DTNB: variants seen among roughly 807,000 people sequenced by gnomAD.
The protein encoded by DTNB is DTN-B.
In DTNB, 63 loss-of-function variants were observed where a neutral mutation model predicts 90.7. The observed-to-expected ratio is 0.69, with a 90% confidence interval of 0.57 to 0.86. The LOEUF is 0.86. Ranked by LOEUF, DTNB falls within the 40% of genes least tolerant of loss-of-function variation. The pLI is 0.00. For synonymous variants in DTNB, 277 were observed against 286.7 expected, an observed-to-expected ratio of 0.97 and a Z score of 0.34; for missense variants, 744 against 807.1, an observed-to-expected ratio of 0.92 and a Z score of 0.95.
chr2:25,663,270 C>T (rs1429948601), intron 1 of DTNB, among the ~76,000 whole-genome samples: 1 of 152,126 alleles, frequency 6.6e-6, no homozygotes, highest in South Asian at 2.1e-4. Context: ...GCACAGCATT[C>T]GATGGTGTGT....
intron 5 of DTNB, among the ~76,000 whole-genome samples, chr2:25,602,642 A>C (rs1450073570): frequency 6.6e-6 from 1 of 152,232 alleles, no homozygotes; most frequent in African/African-American, 2.4e-5. Context: ...ACCAAAACAG[A>C]AAGAATCTCA....
chr2:25,379,912 T>C (rs1375025355), intron 19 of DTNB: 1 of 151,476 alleles, frequency 6.6e-6, no homozygotes, highest in Non-Finnish European at 1.5e-5. Flanking sequence ...CTGTGGAGGG[T>C]GGAGATGATG....
intron 8 of DTNB, among the ~76,000 whole-genome samples, chr2:25,572,816 C>T (rs1433972725): frequency 6.6e-6 from 1 of 152,154 alleles, no homozygotes; most frequent in Admixed American, 6.5e-5. Context: ...TAACCACACA[C>T]AAAAAGTTCT....
At chr2:25,481,731 A>G (rs754904704) in intron 10 of DTNB, 3 of 152,198 alleles carry the variant, frequency 2.0e-5, no homozygotes, top group Non-Finnish European at 4.4e-5. Context: ...TATTGCCCAA[A>G]CTTGCTTGAT....
intron 12 of DTNB, among the ~76,000 whole-genome samples, chr2:25,440,204 C>G (rs1278047637): frequency 6.6e-6 from 1 of 152,200 alleles, no homozygotes; most frequent in East Asian, 1.9e-4. Context: ...AGCTTGCGTG[C>G]TTAACAAGAC....
intron 4 of DTNB, among the ~76,000 whole-genome samples, chr2:25,624,264 C>T (rs2073583986): frequency 6.6e-6 from 1 of 152,188 alleles, no homozygotes; most frequent in South Asian, 2.1e-4. Flanking sequence ...CTCATGTCTT[C>T]CTAAAATGTA....
chr2:25,515,725 G>A (rs568679838), intron 9 of DTNB, among the ~76,000 whole-genome samples: 54 of 152,064 alleles, frequency 3.6e-4, no homozygotes, highest in South Asian at 1.0e-3. Context: ...ACAGGAGCCC[G>A]CCACCATGCC....
chr2:25,454,672 A>C (rs1460810905), intron 11 of DTNB, among the ~76,000 whole-genome samples: 1 of 152,212 alleles, frequency 6.6e-6, no homozygotes, highest in East Asian at 1.9e-4. Context: ...AAATCTTTTA[A>C]AAAAAGGATT....
intron 2 of DTNB, among the ~76,000 whole-genome samples, chr2:25,643,810 G>C (rs1215687437): frequency 3.3e-5 from 5 of 152,186 alleles, no homozygotes; most frequent in Admixed American, 3.3e-4. Flanking sequence ...GGTAAAATGA[G>C]GCCAAGACCA....
chr2:25,569,333 C>T (rs771996340), intron 8 of DTNB, among the ~76,000 whole-genome samples: 2 of 152,146 alleles, frequency 1.3e-5, no homozygotes, highest in African/African-American at 2.4e-5. Context: ...CAAGGTTACT[C>T]AAATATTTAT....
At position 25,388,265 on chromosome 2, in the gene DTNB, T is replaced by C; in HGVS notation, c.1672A>G (p.Thr558Ala). The C allele has an allele frequency of 6.2e-7, 1 of 1,606,900 alleles. No homozygotes were observed. The highest frequency in any genetic ancestry group is 8.5e-7 in the Non-Finnish European group (1 of 1,177,508). ...VRSTSAGSTPTHCPQDSLSGV... is the reference protein window; with the variant it reads ...VRSTSAGSTPAHCPQDSLSGV... ...CTCAGCGAGTCCTGCGGACAGTGGG[T>C]GGGGGTGGAGCCGGCAGACGTGGAG... The change falls in exon 17 of 21, where the codon ACC becomes GCC. Residue 558 changes from threonine to alanine, a missense_variant. By Grantham distance (58) the Thr-to-Ala change is moderately conservative. Coordinates refer to ENST00000406818, the MANE Select transcript of DTNB (RefSeq NM_021907.5).
At chr2:25,541,488 A>T (rs2081243366) in intron 8 of DTNB, among the ~76,000 whole-genome samples, 1 of 152,154 alleles carries the variant, frequency 6.6e-6, no homozygotes, top group South Asian at 2.1e-4. Context: ...TCAAAAAAAT[A>T]AATAAATACA....
At chr2:25,473,422 A>G (rs561439473) in intron 10 of DTNB, among the ~76,000 whole-genome samples, 72 of 120,366 alleles carry the variant, frequency 6.0e-4, no homozygotes, top group Admixed American at 1.0e-3. Context: ...AGGTCAAAAC[A>G]TATTTCAGTG....
chr2:25,482,941 A>G, intron 9 of DTNB, 68 bp from the exon 10 acceptor site: 1 of 1,465,144 alleles, frequency 6.8e-7, no homozygotes. Flanking sequence ...AACGACGATA[A>G]GCATGGTAAG....
chr2:25,580,994 C>T (rs2061481234), intron 6 of DTNB, among the ~76,000 whole-genome samples, 168 bp from the exon 7 acceptor site: 1 of 152,190 alleles, frequency 6.6e-6, no homozygotes, highest in African/African-American at 2.4e-5. Context: ...CTGTACTTTA[C>T]ACTACTACTA....
At chr2:25,526,682 C>T in intron 9 of DTNB, among the ~76,000 whole-genome samples, 1 of 152,116 alleles carries the variant, frequency 6.6e-6, no homozygotes, top group East Asian at 1.9e-4. Flanking sequence ...AGGTGTAAGC[C>T]ACCATGCCCA....
chr2:25,593,217 G>A (rs1308970519), intron 6 of DTNB, among the ~76,000 whole-genome samples: 6 of 152,116 alleles, frequency 3.9e-5, no homozygotes, highest in Admixed American at 6.5e-5. Context: ...AATTGTGATC[G>A]CTTTTTTGTT....
At chr2:25,648,031 G>A (rs1469032064) in intron 2 of DTNB, among the ~76,000 whole-genome samples, 1 of 152,136 alleles carries the variant, frequency 6.6e-6, no homozygotes, top group African/African-American at 2.4e-5. Flanking sequence ...CCAAAAGTCA[G>A]TCCAATAAAA....
intron 9 of DTNB, among the ~76,000 whole-genome samples, chr2:25,514,761 G>C (rs1273158436): frequency 3.0e-5 from 4 of 133,024 alleles, no homozygotes; most frequent in Admixed American, 8.9e-5. Flanking sequence ...CTCGGCTACT[G>C]AAACCTCCAC....
Sources: gnomAD v4.1 joint callset for allele counts (sites outside exome capture counted in the v4.1 genomes callset) on GRCh38, gnomAD v4.1.1 for gene constraint, MANE v1.5 for transcripts, NCBI Gene and HGNC (gene_info 2026-07-23, HGNC 2026-07-21) for gene names.